BMX: variants seen among roughly 807,000 people sequenced by gnomAD.
The protein encoded by BMX is cytoplasmic tyrosine-protein kinase BMX.
BMX carries 31 observed loss-of-function variants against 59.2 expected under a neutral mutation model. The observed-to-expected ratio is 0.52, with a 90% confidence interval of 0.39 to 0.71. BMX has a LOEUF of 0.71. BMX is among the 30% of genes least tolerant of loss of function. The pLI, the probability that BMX is intolerant of heterozygous loss-of-function variation, is 0.00. For missense variants in BMX, 474 were observed against 491.7 expected, an observed-to-expected ratio of 0.96 and a Z score of 0.34; for synonymous variants, 185 against 181.0, an observed-to-expected ratio of 1.02 and a Z score of -0.18.
chrX:15,512,393 A>G (rs1281640315), intron 4 of BMX, among the ~76,000 whole-genome samples: 4 of 111,291 alleles, frequency 3.6e-5, no homozygotes, highest in African/African-American at 1.3e-4. Context: ...GTTTTAGGTT[A>G]TGGTTCTTTC....
chrX:15,529,134 A>T (rs1439933488), intron 9 of BMX, among the ~76,000 whole-genome samples: 2 of 111,556 alleles, frequency 1.8e-5, no homozygotes, highest in African/African-American at 6.5e-5. Flanking sequence ...CACATAGGGA[A>T]GTTATGCCTA....
At chrX:15,507,703 A>T (rs1185858122) in intron 1 of BMX, among the ~76,000 whole-genome samples, 1 of 111,851 alleles carries the variant, frequency 8.9e-6, no homozygotes, top group Non-Finnish European at 1.9e-5. Context: ...TTGTAAATGT[A>T]CTCATTTTTT....
At chrX:15,522,060 T>C (rs1386886399) in intron 6 of BMX, among the ~76,000 whole-genome samples, 2 of 111,653 alleles carry the variant, frequency 1.8e-5, no homozygotes, top group Non-Finnish European at 1.9e-5. Flanking sequence ...TCATAGGGTA[T>C]GACCAGATGC....
rs780858114 is a variant in BMX, at chrX:15,524,678, A to G, written c.753-610A>G. Among the ~76,000 whole-genome samples, 5 of 112,114 alleles carry G rather than the reference A, an allele frequency of 4.5e-5. No individual in the cohort carries two copies. In the South Asian group the frequency reaches 1.1e-3, roughly 25 times the overall value. ...TTCCTTGCTAAGGAAACTTGTTTCT[A>G]TGAACTGTGGTTTTGAAAAAAGTCT... On this transcript the variant is annotated intron_variant, in intron 7 of 18. Coordinates refer to ENST00000348343, the MANE Select transcript of BMX (RefSeq NM_203281.3).
chrX:15,512,013 C>T (rs1923979347), intron 4 of BMX, among the ~76,000 whole-genome samples: 2 of 112,143 alleles, frequency 1.8e-5, no homozygotes, highest in Non-Finnish European at 3.8e-5. Context: ...TAATATTATT[C>T]TCCATTTTTC....
At chrX:15,532,890 A>T (rs769791997) in intron 11 of BMX, among the ~76,000 whole-genome samples, 1 of 112,649 alleles carries the variant, frequency 8.9e-6, no homozygotes, top group Non-Finnish European at 1.9e-5. Flanking sequence ...TTTGTTGACT[A>T]TCAAAAGTTT....
intron 1 of BMX, among the ~76,000 whole-genome samples, chrX:15,502,036 G>A (rs906710348): frequency 8.1e-5 from 9 of 111,774 alleles, no homozygotes; most frequent in Non-Finnish European, 1.7e-4. Context: ...CCTATGGAGT[G>A]ATCAGAAGGG....
chrX:15,538,721 A>G (rs942715124), intron 14 of BMX, among the ~76,000 whole-genome samples: 1 of 112,183 alleles, frequency 8.9e-6, no homozygotes, highest in African/African-American at 3.2e-5. Context: ...AAACCCAGGC[A>G]GACATTCTAG....
chrX:15,508,947 A>T (rs186091200), intron 2 of BMX, among the ~76,000 whole-genome samples: 1 of 112,349 alleles, frequency 8.9e-6, no homozygotes, highest in Admixed American at 9.4e-5. Context: ...GCTAGAAATA[A>T]GACTATTCCT....
intron 4 of BMX, among the ~76,000 whole-genome samples, chrX:15,512,021 T>C (rs1291648036): frequency 8.9e-6 from 1 of 112,370 alleles, no homozygotes; most frequent in Non-Finnish European, 1.9e-5. Flanking sequence ...TTCTCCATTT[T>C]TCAGACAAGT....
intron 16 of BMX, among the ~76,000 whole-genome samples, chrX:15,545,069 A>AAAT (rs1925882865): frequency 9.0e-6 from 1 of 111,681 alleles, no homozygotes; most frequent in African/African-American, 3.3e-5. Context: ...TTAATACTAT[A>AAAT]AATAATATGT....
intron 17 of BMX, among the ~76,000 whole-genome samples, chrX:15,548,408 G>C (rs1055384238): frequency 9.0e-6 from 1 of 111,285 alleles, no homozygotes; most frequent in Non-Finnish European, 1.9e-5. Context: ...AGTGAGCTGA[G>C]ATTGTGCCAC....
chrX:15,522,105 C>T (rs779398067), intron 6 of BMX, among the ~76,000 whole-genome samples: 82 of 111,329 alleles, frequency 7.4e-4, no homozygotes, highest in Middle Eastern at 4.6e-3. Flanking sequence ...AAACAAATTT[C>T]CAATGTTGTT....
chrX:15,522,621 T>C, intron 7 of BMX, 34 bp downstream of exon 7: 2 of 1,205,964 alleles, frequency 1.7e-6, no homozygotes, highest in Non-Finnish European at 2.2e-6. Flanking sequence ...CTGCCCAGCA[T>C]GTAGAGTAAA....
chrX:15,512,846 C>A (rs940249312), intron 4 of BMX, among the ~76,000 whole-genome samples: 3 of 111,955 alleles, frequency 2.7e-5, no homozygotes, highest in Non-Finnish European at 5.6e-5. Flanking sequence ...ATTTAGTCTC[C>A]TTTGGTGGAA....
rs563841694 is a variant in BMX, at chrX:15,504,791, A to G, written c.-9-3554A>G. On this transcript the variant is annotated intron_variant, in intron 1 of 18. Coordinates refer to ENST00000348343, the MANE Select transcript of BMX (RefSeq NM_203281.3). Reference sequence around the variant, plus strand: ...CTCCTCTGTGCCTTAATCACTTTCTAGTTTCATCTGTTTATGGAAATAGGC... The same window carrying G: ...CTCCTCTGTGCCTTAATCACTTTCTGGTTTCATCTGTTTATGGAAATAGGC... Among the ~76,000 whole-genome samples, 101 of 111,817 alleles carry G rather than the reference A, an allele frequency of 9.0e-4. 3 individuals carry two copies. In the South Asian group the frequency reaches 0.038, roughly 42 times the overall value.
intron 13 of BMX, 90 bp downstream of exon 13, chrX:15,536,517 A>G (rs1601654812): frequency 5.8e-6 from 4 of 695,626 alleles, no homozygotes; most frequent in Non-Finnish European, 8.3e-6. Context: ...AAAAAAAAAA[A>G]GGAGGAAAGA....
chrX:15,546,919 T>C lies in BMX; in HGVS notation c.1793T>C (p.Phe598Ser). The C allele has an allele frequency of 8.3e-7, 1 of 1,198,070 alleles. No homozygotes were observed. Among genetic ancestry groups the C allele is most frequent in the Non-Finnish European group, 1.1e-6 (1 of 883,736 alleles). The change falls in exon 17 of 19, where the codon TTT becomes TCT. Residue 598 changes from phenylalanine (F) to serine (S), a missense_variant and splice_region_variant. Phe to Ser is a radical substitution (Grantham distance 155). Transcript: ENST00000348343. ...AGCAGCAAGTCAGACGTATGGGCAT[T>C]TGGTAAGGATGTGGCCACATACGAC... ...KYSSKSDVWA[F>S]GILMWEVFSL...
chrX:15,542,390 G>A (rs1489537421), intron 15 of BMX, among the ~76,000 whole-genome samples, 192 bp downstream of exon 15: 1 of 111,689 alleles, frequency 9.0e-6, no homozygotes, highest in Non-Finnish European at 1.9e-5. Flanking sequence ...AGAACAGTGA[G>A]AATAAAATAA....
Sources: allele counts gnomAD v4.1 joint callset (sites outside exome capture counted in the v4.1 genomes callset), GRCh38; gene constraint gnomAD v4.1.1; transcripts MANE v1.5; gene names NCBI Gene and HGNC (gene_info 2026-07-23, HGNC 2026-07-21).